The following DENND4C variants were observed in gnomAD, a reference collection of about 807,000 sequenced individuals.
The protein encoded by DENND4C is DENN domain containing 4C, also known as DENN domain-containing protein 4C.
DENND4C carries 108 observed loss-of-function variants against 203.0 expected under a neutral mutation model. The ratio of observed to expected loss-of-function variants is 0.53; its 90% CI spans 0.46 to 0.62. The LOEUF is 0.62. Ranked by LOEUF, DENND4C falls within the 20% of genes least tolerant of loss-of-function variation. The probability of loss-of-function intolerance (pLI) is 0.00; values close to 1 mark genes in which losing one functional copy is unlikely to be tolerated. For missense variants in DENND4C, 2,481 were observed against 2,301.2 expected (o/e 1.08, Z -1.60); for synonymous variants, 871 against 792.4 (o/e 1.10, Z -1.67).
intron 2 of DENND4C, among the ~76,000 whole-genome samples, chr9:19,280,136 G>GCCTGCCTT (rs1377768971): frequency 4.6e-5 from 2 of 43,064 alleles, no homozygotes; most frequent in South Asian, 1.0e-3. Flanking sequence ...CTGCCTACCT[G>GCCTGCCTT]CCTGCCTTCC....
chr9:19,250,572 C>G (rs984126909), intron 1 of DENND4C, among the ~76,000 whole-genome samples: 1 of 151,838 alleles, frequency 6.6e-6, no homozygotes, highest in Non-Finnish European at 1.5e-5. Context: ...AGTCCACAGT[C>G]CAAAGTCTCA....
intron 20 of DENND4C, among the ~76,000 whole-genome samples, chr9:19,338,651 C>G (rs1444883880): frequency 6.6e-6 from 1 of 152,108 alleles, no homozygotes. Context: ...CACTTGGTAC[C>G]TGGTACAGAG....
intron 12 of DENND4C, among the ~76,000 whole-genome samples, chr9:19,322,900 A>G (rs1281000119): frequency 6.6e-6 from 1 of 152,140 alleles, no homozygotes; most frequent in African/African-American, 2.4e-5. Context: ...GATGTGAAAA[A>G]GAGATTTGAG....
At chr9:19,300,833 G>A (rs1021306831) in intron 9 of DENND4C, among the ~76,000 whole-genome samples, 1 of 152,200 alleles carries the variant, frequency 6.6e-6, no homozygotes, top group Non-Finnish European at 1.5e-5. Context: ...AAATTGTTAA[G>A]AAATTAAAGT....
chr9:19,276,033 T>G, intron 1 of DENND4C, 125 bp from the exon 2 acceptor site: 1 of 467,116 alleles, frequency 2.1e-6, no homozygotes, highest in East Asian at 3.5e-5. Context: ...CTTCTCAGAA[T>G]GGCAATTTGA....
chr9:19,233,277 T>C (rs1319159137), intron 1 of DENND4C, among the ~76,000 whole-genome samples: 1 of 152,200 alleles, frequency 6.6e-6, no homozygotes, highest in Non-Finnish European at 1.5e-5. Context: ...TTCTTTATAC[T>C]GGTGCCATAG....
chr9:19,246,682 G>A (rs2131546725), intron 1 of DENND4C, among the ~76,000 whole-genome samples: 1 of 150,958 alleles, frequency 6.6e-6, no homozygotes, highest in East Asian at 2.0e-4. Context: ...GACTTCTTGT[G>A]TATTTAAGGA....
At chr9:19,287,880 G>A (rs1489224007) in intron 3 of DENND4C, among the ~76,000 whole-genome samples, 1 of 152,138 alleles carries the variant, frequency 6.6e-6, no homozygotes, top group African/African-American at 2.4e-5. Context: ...CTACGGGCGT[G>A]CGCCACTACG....
At chr9:19,278,864 C>T (rs1422219971) in intron 2 of DENND4C, among the ~76,000 whole-genome samples, 4 of 151,924 alleles carry the variant, frequency 2.6e-5, no homozygotes, top group Non-Finnish European at 5.9e-5. Flanking sequence ...AGGCCCCCTC[C>T]ACTCTGCCCC....
intron 26 of DENND4C, among the ~76,000 whole-genome samples, 184 bp from the exon 27 acceptor site, chr9:19,356,788 T>TGAGAGAGAGAGAGAGA (rs60635871): frequency 2.1e-5 from 3 of 140,372 alleles, no homozygotes; most frequent in East Asian, 2.0e-4. Flanking sequence ...TGTGTGTGTG[T>TGAGAGAGAGAGAGAGA]GAGAGAGAGA....
chr9:19,369,882 C>T lies in DENND4C; in HGVS notation c.5570C>T (p.Thr1857Ile), dbSNP rs374626394. Reference sequence around the variant, plus strand: ...CTCCTGTCAGAGGAACAACAAGAAACAAGCACTTTAGTAGAAACCATCAGG... The same window carrying T: ...CTCCTGTCAGAGGAACAACAAGAAATAAGCACTTTAGTAGAAACCATCAGG... ...SSLLSEEQQE[T>I]STLVETIRQS... Residue 1857 changes from threonine (T) to isoleucine (I), a missense_variant, in exon 31 of 33, where the codon ACA becomes ATA. By Grantham distance (89) the Thr-to-Ile change is moderately conservative. Around this residue, in one of 3 missense-constraint regions of DENND4C, gnomAD observed 2,289 missense variants for 2,113.3 expected, o/e 1.08. Transcript: ENST00000434457. 4 of 1,611,146 alleles carry T rather than the reference C, an allele frequency of 2.5e-6. No individual in the cohort carries two copies. The highest frequency in any genetic ancestry group is 3.4e-6 in the Non-Finnish European group (4 of 1,178,850).
chr9:19,372,425 A>G lies in DENND4C; in HGVS notation c.*252A>G, dbSNP rs1285882280. ...TGCTTTTCTGCCTCTGTGGAAAACT[A>G]CTTTGGGATTCTTCAGTATTTGTAG... On this transcript the variant is annotated 3_prime_UTR_variant, in exon 33 of 33. Coordinates refer to ENST00000434457, the MANE Select transcript of DENND4C (RefSeq NM_001330640.2). The G allele has an allele frequency of 2.2e-5, 8 of 359,854 alleles. No individual in the cohort carries two copies. The highest frequency in any genetic ancestry group is 3.5e-5 in the Non-Finnish European group (7 of 202,394). 22.3% of individuals were successfully genotyped at this position (359,854 alleles called of 1,614,324 possible). A position where few individuals can be genotyped will look rare whatever the true frequency, so the allele number is the denominator to read the frequency against.
intron 1 of DENND4C, among the ~76,000 whole-genome samples, chr9:19,263,685 G>A (rs116778076): frequency 0.023 from 3,129 of 138,286 alleles, 119 homozygotes; most frequent in African/African-American, 0.081. Flanking sequence ...ACAGAATCTC[G>A]CTCTTGTCAC....
chr9:19,317,331 C>G (rs1842028449), intron 12 of DENND4C, among the ~76,000 whole-genome samples: 1 of 151,878 alleles, frequency 6.6e-6, no homozygotes, highest in Admixed American at 6.6e-5. Flanking sequence ...GATGTGTACA[C>G]TTTTGGCTTT....
At chr9:19,366,205 G>C (rs1309277634) in intron 30 of DENND4C, among the ~76,000 whole-genome samples, 1 of 152,156 alleles carries the variant, frequency 6.6e-6, no homozygotes, top group African/African-American at 2.4e-5. Context: ...GTAAAATACT[G>C]GTGTAAAAAG....
intron 1 of DENND4C, among the ~76,000 whole-genome samples, chr9:19,246,545 G>A (rs1825316630): frequency 6.6e-6 from 1 of 151,686 alleles, no homozygotes; most frequent in Non-Finnish European, 1.5e-5. Flanking sequence ...CACTGGGCAT[G>A]TTTGTTTGTT....
intron 31 of DENND4C, 106 bp downstream of exon 31, chr9:19,370,093 A>G (rs1416563132): frequency 1.6e-6 from 2 of 1,283,944 alleles, no homozygotes; most frequent in East Asian, 5.0e-5. Context: ...ACACATACTC[A>G]TTGCAAAACA....
chr9:19,243,073 G>C (rs1368101931), intron 1 of DENND4C, among the ~76,000 whole-genome samples: 1 of 152,094 alleles, frequency 6.6e-6, no homozygotes, highest in African/African-American at 2.4e-5. Context: ...GCAATCATTA[G>C]CATAATCTAA....
At position 19,346,507 on chromosome 9, in the gene DENND4C, T is replaced by A. The variant is rs1822915936; in HGVS notation, c.3738T>A (p.Val1246=). ...GIAKVVQRED[V]ETGLDPLSLL... is the part of the protein sequence containing the mutation. ...CTAAGGTGGTTCAGAGGGAAGATGT[T>A]GAAACTGGACTAGATCCTTTGTCTC... The change falls in exon 23 of 33, where the codon GTT becomes GTA. Residue 1246 remains valine (V), a synonymous_variant. Transcript: ENST00000434457. The A allele has an allele frequency of 6.2e-7, 1 of 1,614,172 alleles. No homozygotes were observed. The highest frequency in any genetic ancestry group is 1.3e-5 in the African/African-American group (1 of 75,052).
Sources: gnomAD v4.1 joint callset for allele counts (sites outside exome capture counted in the v4.1 genomes callset) on GRCh38, gnomAD v4.1.1 for gene constraint, gnomAD v4.1.1 regional missense constraint, MANE v1.5 for transcripts, NCBI Gene and HGNC (gene_info 2026-07-23, HGNC 2026-07-21) for gene names.